The following HMCN2 variants were observed in gnomAD, a reference collection of about 807,000 sequenced individuals.
The protein encoded by HMCN2 is hemicentin-2.
HMCN2 carries 325 observed loss-of-function variants against 377.5 expected under a neutral mutation model. That is an observed-to-expected ratio of 0.86 (90% CI 0.79 to 0.94). The LOEUF is 0.94. HMCN2 is among the 40% of genes least tolerant of loss of function. The pLI, the probability that HMCN2 is intolerant of heterozygous loss-of-function variation, is 0.00. For synonymous variants in HMCN2, 2,007 were observed against 2,046.8 expected (o/e 0.98, Z 0.53); for missense variants, 4,543 against 4,725.3 (o/e 0.96, Z 1.13).
intron 62 of HMCN2, among the ~76,000 whole-genome samples, 185 bp from the exon 63 acceptor site, chr9:130,390,792 G>A (rs1842278381): frequency 6.6e-6 from 1 of 152,116 alleles, no homozygotes; most frequent in Admixed American, 6.5e-5. Flanking sequence ...CCTGGACACT[G>A]AAGGGAGGGG....
At position 130,374,385 on chromosome 9, in the gene HMCN2, G is replaced by T. The variant is rs143635366; in HGVS notation, c.7439-117G>T. On this transcript the variant is annotated intron_variant, in intron 48 of 97. Coordinates refer to ENST00000683500, the MANE Select transcript of HMCN2 (RefSeq NM_001291815.2). ...TGCTGCTTCTTCTTGTGCTTCATGG[G>T]CCTCTGGGCCGGAATGGAAAATTCA... 15 of 369,176 alleles carry T rather than the reference G, an allele frequency of 4.1e-5. No homozygotes were observed. The South Asian group carries it at 6.5e-4, about 16-fold the overall frequency. 22.9% of individuals were successfully genotyped at this position (369,176 alleles called of 1,614,324 possible).
At chr9:130,283,381 C>G (rs868962155) in intron 1 of HMCN2, among the ~76,000 whole-genome samples, 1 of 152,164 alleles carries the variant, frequency 6.6e-6, no homozygotes, top group Non-Finnish European at 1.5e-5. Context: ...TAAACAGCCC[C>G]GTCATTCTCG....
intron 22 of HMCN2, among the ~76,000 whole-genome samples, chr9:130,333,336 C>T (rs1330988757): frequency 6.6e-6 from 1 of 152,110 alleles, no homozygotes; most frequent in African/African-American, 2.4e-5. Context: ...AGGTGTGTGC[C>T]GGGGATGAGG....
At chr9:130,280,329 A>ATTTTT (rs36002092) in intron 1 of HMCN2, among the ~76,000 whole-genome samples, 1 of 139,280 alleles carries the variant, frequency 7.2e-6, no homozygotes, top group African/African-American at 2.7e-5. Flanking sequence ...TGCCCGGCTA[A>ATTTTT]TTTTTTTTTT....
chr9:130,340,068 AC>A (rs1162948972), intron 23 of HMCN2, among the ~76,000 whole-genome samples: 8 of 152,196 alleles, frequency 5.3e-5, no homozygotes, highest in Non-Finnish European at 1.2e-4. Flanking sequence ...AAGTCATATA[AC>A]CTTTCTGAGA....
chr9:130,399,826 C>T (rs1196809377), intron 76 of HMCN2, among the ~76,000 whole-genome samples, 194 bp downstream of exon 76: 2 of 152,340 alleles, frequency 1.3e-5, no homozygotes, highest in African/African-American at 2.4e-5. Flanking sequence ...TCCTGGCACA[C>T]GGGAGCTCAC....
intron 43 of HMCN2, among the ~76,000 whole-genome samples, chr9:130,367,020 G>T (rs182297756): frequency 6.6e-6 from 1 of 152,244 alleles, no homozygotes; most frequent in Non-Finnish European, 1.5e-5. Context: ...GAAAAGCTAA[G>T]GGCTGAACAT....
intron 1 of HMCN2, among the ~76,000 whole-genome samples, chr9:130,268,834 A>C (rs1834258957): frequency 6.7e-6 from 1 of 148,422 alleles, no homozygotes; most frequent in Admixed American, 6.7e-5. Flanking sequence ...GGGAAGGGCA[A>C]GATTGGACAC....
chr9:130,287,095 G>C (rs1365075184), intron 4 of HMCN2, among the ~76,000 whole-genome samples: 1 of 152,174 alleles, frequency 6.6e-6, no homozygotes, highest in African/African-American at 2.4e-5. Context: ...CCAAGTCAGA[G>C]TTGGGAAGTG....
intron 15 of HMCN2, among the ~76,000 whole-genome samples, chr9:130,312,535 C>T (rs1377819728): frequency 1.5e-4 from 3 of 19,754 alleles, no homozygotes; most frequent in Admixed American, 5.0e-4. Context: ...CTCCCTCCCT[C>T]CCTCCTTTCT....
chr9:130,363,240 C>T lies in HMCN2; in HGVS notation c.6232+250C>T, dbSNP rs181258640. Among the ~76,000 whole-genome samples, 162 of 152,264 alleles carry T rather than the reference C, an allele frequency of 1.1e-3. 1 individual carries two copies. Among genetic ancestry groups the T allele is most frequent in the Non-Finnish European group, 2.0e-3 (134 of 68,020 alleles). On this transcript the variant is annotated intron_variant, in intron 40 of 97. Coordinates refer to ENST00000683500, the MANE Select transcript of HMCN2 (RefSeq NM_001291815.2). ...GCTCTGCCCCATGTTCAGGGAGACGCGGAAGGGGTGTGAAGTAGCAGGAAC... is the reference window on the plus strand; with the variant it reads ...GCTCTGCCCCATGTTCAGGGAGACGTGGAAGGGGTGTGAAGTAGCAGGAAC...
At chr9:130,344,299 CAT>C (rs1328367039) in intron 25 of HMCN2, among the ~76,000 whole-genome samples, 4 of 150,916 alleles carry the variant, frequency 2.7e-5, no homozygotes, top group African/African-American at 7.3e-5. Context: ...GTGTATGTGT[CAT>C]GTGTGGGATG....
rs1164907132 is a variant in HMCN2 at position 130,393,744 on chromosome 9, C to T, written c.10237C>T (p.Pro3413Ser). The change falls in exon 68 of 98, where the codon CCC (proline) becomes TCC (serine). Residue 3413 changes from proline (P) to serine (S), a missense_variant and splice_region_variant. By Grantham distance (74) the Pro-to-Ser change is moderately conservative. Coordinates refer to ENST00000683500, the MANE Select transcript of HMCN2 (RefSeq NM_001291815.2). The surrounding 1 kb of genome is among the most constrained non-coding windows in gnomAD (Gnocchi z 5.2). ...DRNFTLQVQV[P>S]PVLEPVEFQN... ...GCCCACCTTTCTGCCCTCCATAGTG[C>T]CCCCTGTCCTGGAGCCGGTGGAGTT... 2 of 1,246,184 alleles carry T rather than the reference C, an allele frequency of 1.6e-6. No homozygotes were observed. The highest frequency in any genetic ancestry group is 2.1e-6 in the Non-Finnish European group (2 of 968,466). 77.2% of individuals were successfully genotyped at this position (1,246,184 alleles called of 1,614,324 possible). A position where few individuals can be genotyped will look rare whatever the true frequency, so the allele number is the denominator to read the frequency against.
At chr9:130,271,004 A>G (rs1308925875) in intron 1 of HMCN2, among the ~76,000 whole-genome samples, 1 of 148,914 alleles carries the variant, frequency 6.7e-6, no homozygotes, top group East Asian at 1.9e-4. Context: ...TGAAATTGAC[A>G]GTTTTGAGGA....
chr9:130,311,094 C>T (rs36144470), intron 15 of HMCN2, among the ~76,000 whole-genome samples: 33,687 of 152,180 alleles, frequency 0.22, 4,331 homozygotes, highest in East Asian at 0.39. Context: ...GGGACTTGCT[C>T]GGAAGCTGTG....
At chr9:130,277,232 A>C in intron 1 of HMCN2, among the ~76,000 whole-genome samples, 1 of 152,220 alleles carries the variant, frequency 6.6e-6, no homozygotes. Context: ...TCTGGGGCTC[A>C]CATGCTGGAA....
Position 130,306,926 on chromosome 9 carries a change from C to T in HMCN2, c.2074C>T (p.Leu692Phe). 2.1e-6 allele frequency: 1 copy of T among 469,394 alleles called. No individual in the cohort carries two copies. The highest frequency in any genetic ancestry group is 4.4e-6 in the Non-Finnish European group (1 of 226,052). 29.1% of individuals were successfully genotyped at this position (469,394 alleles called of 1,614,324 possible). The change falls in exon 13 of 98, where the codon CTC (leucine) becomes TTC (phenylalanine). Residue 692 changes from leucine (L) to phenylalanine (F), a missense_variant. Around this residue, in one of 5 missense-constraint regions of HMCN2, gnomAD observed 547 missense variants for 189.9 expected, o/e 2.88. Transcript: ENST00000683500. ...EVGTDQETVT[L>F]YYTDPPSVSA... ...TGGCACTGACCAGGAGACGGTCACC[C>T]TCTACTACACAGGTACCCAGGCCAC...
intron 41 of HMCN2, 65 bp from the exon 42 acceptor site, chr9:130,365,566 A>G (rs573265397): frequency 5.0e-6 from 4 of 800,138 alleles, no homozygotes; most frequent in Non-Finnish European, 3.0e-6. Flanking sequence ...GCAGTCACAC[A>G]GTCTGTCCAG....
intron 29 of HMCN2, among the ~76,000 whole-genome samples, chr9:130,350,056 G>A (rs1237073668): frequency 1.3e-5 from 2 of 151,242 alleles, no homozygotes; most frequent in Admixed American, 6.6e-5. Flanking sequence ...ACAGGTGTGC[G>A]CTACCAACAA....
Sources: gnomAD v4.1 joint callset for allele counts (sites outside exome capture counted in the v4.1 genomes callset) on GRCh38, gnomAD v4.1.1 for gene constraint, gnomAD v4.1.1 regional missense constraint, Gnocchi (gnomAD v3.1) non-coding constraint, MANE v1.5 for transcripts, NCBI Gene and HGNC (gene_info 2026-07-23, HGNC 2026-07-21) for gene names.